The following SEC24D variants were observed in gnomAD, a reference collection of about 807,000 sequenced individuals.
SEC24D encodes the protein SEC24 homolog D, COPII component, also known as protein transport protein Sec24D.
SEC24D carries 69 observed loss-of-function variants against 116.9 expected under a neutral mutation model. The ratio of observed to expected loss-of-function variants is 0.59; its 90% CI spans 0.49 to 0.72. SEC24D has a LOEUF of 0.72. Among genes scored for constraint, SEC24D ranks in the 30% least tolerant of loss-of-function variants. The pLI, the probability that SEC24D is intolerant of heterozygous loss-of-function variation, is 0.00. For missense variants in SEC24D, 1,131 were observed against 1,264.1 expected (o/e 0.89, Z 1.60); for synonymous variants, 405 against 442.8 (o/e 0.91, Z 1.07).
In SEC24D at chr4:118,768,365, A is replaced by C. The variant is rs148901839; in HGVS notation, c.1042-54T>G. The stretch of plus-strand genomic sequence containing the variant: ...ACAGGTGAGTATAGGATTTCTAGGT[A>C]CTATAATTTGGGAAGTCTTTTAATG... On this transcript the variant is annotated intron_variant, in intron 8 of 22. Coordinates refer to ENST00000280551, the MANE Select transcript of SEC24D (RefSeq NM_014822.4). 13 of 1,471,722 alleles carry C rather than the reference A, an allele frequency of 8.8e-6. No homozygotes were observed. In the East Asian group the frequency reaches 2.8e-4, roughly 31 times the overall value. The allele number at this position is 1,471,722 out of a possible 1,614,324, so 91.2% of individuals were successfully genotyped here.
Position 118,777,060 on chromosome 4 carries a change from A to G in SEC24D, c.1042-8749T>C, listed in dbSNP as rs571418172. Among the ~76,000 whole-genome samples the G allele has an allele frequency of 2.0e-5, 3 of 152,158 alleles. No individual in the cohort carries two copies. The South Asian group carries it at 6.2e-4, about 32-fold the overall frequency. ...TAGTCTTACTTCTTTATAAGGCCAT[A>G]AAAAGAGATTTCCCTCTATGTGAAG... On this transcript the variant is annotated intron_variant, in intron 8 of 22. Coordinates refer to ENST00000280551, the MANE Select transcript of SEC24D (RefSeq NM_014822.4).
intron 8 of SEC24D, among the ~76,000 whole-genome samples, chr4:118,792,894 T>TA (rs1348386328): frequency 6.6e-6 from 1 of 152,160 alleles, no homozygotes. Context: ...CAATAAATAC[T>TA]AAAAAACAAA....
intron 11 of SEC24D, among the ~76,000 whole-genome samples, chr4:118,757,013 G>A (rs1727130600): frequency 6.6e-6 from 1 of 152,092 alleles, no homozygotes; most frequent in Non-Finnish European, 1.5e-5. Context: ...TTTGGGCTGT[G>A]TATGTGTGTA....
intron 2 of SEC24D, among the ~76,000 whole-genome samples, chr4:118,828,243 G>C (rs980592770): frequency 6.6e-6 from 1 of 151,984 alleles, no homozygotes; most frequent in Admixed American, 6.6e-5. Flanking sequence ...CGAGTAGCTG[G>C]GACCACAGGC....
intron 12 of SEC24D, among the ~76,000 whole-genome samples, chr4:118,752,429 C>T (rs1020029052): frequency 1.3e-5 from 2 of 152,050 alleles, no homozygotes; most frequent in African/African-American, 2.4e-5. Context: ...AGCTCCCTTG[C>T]GATACCTTTC....
chr4:118,731,038 T>G, intron 21 of SEC24D: 1 of 370,476 alleles, frequency 2.7e-6, no homozygotes, highest in Non-Finnish European at 5.1e-6. Flanking sequence ...AATGGTATAT[T>G]TAAGTATTTA....
chr4:118,802,945 G>GTAGA (rs1729510265), intron 7 of SEC24D, among the ~76,000 whole-genome samples: 1 of 152,180 alleles, frequency 6.6e-6, no homozygotes, highest in Non-Finnish European at 1.5e-5. Flanking sequence ...ACGCTACAAG[G>GTAGA]TAGATGAACC....
intron 4 of SEC24D, among the ~76,000 whole-genome samples, chr4:118,816,389 C>A (rs577853357): frequency 3.3e-5 from 5 of 152,206 alleles, no homozygotes; most frequent in African/African-American, 1.2e-4. Context: ...TATTACATAA[C>A]AAGCATTACT....
chr4:118,806,284 C>T (rs978758621), intron 6 of SEC24D, among the ~76,000 whole-genome samples: 2 of 151,878 alleles, frequency 1.3e-5, no homozygotes, highest in Admixed American at 1.3e-4. Flanking sequence ...TATTTTTATC[C>T]AATTTGTTTA....
At chr4:118,770,406 T>C (rs1727844406) in intron 8 of SEC24D, among the ~76,000 whole-genome samples, 1 of 152,146 alleles carries the variant, frequency 6.6e-6, no homozygotes, top group Non-Finnish European at 1.5e-5. Flanking sequence ...ACAACAAATA[T>C]GTGCTGTTCA....
Position 118,824,625 on chromosome 4 carries a change from G to A in SEC24D, c.243C>T (p.Pro81=), listed in dbSNP as rs760843420. The change falls in exon 3 of 23, where the codon CCC becomes CCT. Residue 81 remains proline, a synonymous_variant. Transcript: ENST00000280551. ...TTGGAATCTACCTAGCTCACCTTTG[G>A]GGAGGGTGACCAGTGGCATGAGCTC... ...QNGAHATGHP[P]QRFPGPPPVN... The A allele has an allele frequency of 6.3e-7, 1 of 1,599,704 alleles. No homozygotes were observed. Among genetic ancestry groups the A allele is most frequent in the Admixed American group, 1.8e-5 (1 of 55,716 alleles).
At chr4:118,786,531 T>C (rs1048316213) in intron 8 of SEC24D, among the ~76,000 whole-genome samples, 2 of 152,210 alleles carry the variant, frequency 1.3e-5, no homozygotes, top group African/African-American at 4.8e-5. Context: ...TGAAGCAAGG[T>C]ATAGATAGTA....
intron 13 of SEC24D, among the ~76,000 whole-genome samples, chr4:118,750,105 GAT>G (rs1323295482): frequency 2.0e-5 from 3 of 152,134 alleles, no homozygotes; most frequent in Non-Finnish European, 2.9e-5. Flanking sequence ...AGATGCAAAA[GAT>G]ATGAAGATAC....
At chr4:118,737,831 G>A (rs936149619) in intron 19 of SEC24D, among the ~76,000 whole-genome samples, 62 of 151,860 alleles carry the variant, frequency 4.1e-4, no homozygotes, top group Non-Finnish European at 8.7e-4. Flanking sequence ...AAGAATTCCT[G>A]TATTTATATT....
At chr4:118,809,453 C>T (rs1729811179) in intron 6 of SEC24D, among the ~76,000 whole-genome samples, 1 of 152,202 alleles carries the variant, frequency 6.6e-6, no homozygotes, top group Non-Finnish European at 1.5e-5. Flanking sequence ...TGTGACTTTA[C>T]ATCTTTCTTT....
At chr4:118,825,204 A>T (rs1730549424) in intron 2 of SEC24D, among the ~76,000 whole-genome samples, 1 of 152,202 alleles carries the variant, frequency 6.6e-6, no homozygotes, top group African/African-American at 2.4e-5. Flanking sequence ...TTACAGCACA[A>T]CAAAAGCAGA....
At chr4:118,762,433 C>T (rs928422692) in intron 10 of SEC24D, among the ~76,000 whole-genome samples, 3 of 152,018 alleles carry the variant, frequency 2.0e-5, no homozygotes, top group Admixed American at 1.3e-4. Flanking sequence ...ATGGGTTCAC[C>T]GTGAGGACTA....
intron 15 of SEC24D, among the ~76,000 whole-genome samples, chr4:118,743,143 T>G (rs570637446): frequency 6.6e-6 from 1 of 152,122 alleles, no homozygotes; most frequent in African/African-American, 2.4e-5. Context: ...GTGTAATGAA[T>G]TGATCCCTAA....
At chr4:118,756,454 T>C (rs1254155021) in intron 11 of SEC24D, among the ~76,000 whole-genome samples, 1 of 152,152 alleles carries the variant, frequency 6.6e-6, no homozygotes, top group Non-Finnish European at 1.5e-5. Context: ...GACTTCAGCT[T>C]CACAGATACA....
Sources: allele counts gnomAD v4.1 joint callset (sites outside exome capture counted in the v4.1 genomes callset), GRCh38; gene constraint gnomAD v4.1.1; transcripts MANE v1.5; gene names NCBI Gene and HGNC (gene_info 2026-07-23, HGNC 2026-07-21).